ELP4: variants seen among roughly 807,000 people sequenced by gnomAD.
The protein encoded by ELP4 is elongator complex protein 4.
ELP4 carries 51 observed loss-of-function variants against 48.9 expected under a neutral mutation model. The ratio of observed to expected loss-of-function variants is 1.04; its 90% CI spans 0.83 to 1.32. The LOEUF is 1.32. Among genes scored for constraint, ELP4 ranks in the 40% most tolerant of loss-of-function variants. The probability of loss-of-function intolerance (pLI) is 0.00; values close to 1 mark genes in which losing one functional copy is unlikely to be tolerated. For missense variants in ELP4, 519 were observed against 514.6 expected (o/e 1.01, Z -0.08); for synonymous variants, 210 against 189.2 (o/e 1.11, Z -0.90).
intron 9 of ELP4, chr11:31,681,699 A>T (rs1946053894): frequency 6.3e-6 from 1 of 157,534 alleles, no homozygotes; most frequent in African/African-American, 2.4e-5. Flanking sequence ...TGTAAAAGAA[A>T]ACTGATAGGT....
At chr11:31,516,390 A>C (rs1956111692) in intron 1 of ELP4, among the ~76,000 whole-genome samples, 1 of 152,246 alleles carries the variant, frequency 6.6e-6, no homozygotes, top group Non-Finnish European at 1.5e-5. Flanking sequence ...GAAAGTAGGA[A>C]AGTAAGGAAG....
intron 9 of ELP4, among the ~76,000 whole-genome samples, chr11:31,746,970 A>G (rs1361386265): frequency 6.6e-6 from 1 of 152,102 alleles, no homozygotes; most frequent in Non-Finnish European, 1.5e-5. Context: ...GAAGCATATG[A>G]TAGATTTTCT....
intron 5 of ELP4, among the ~76,000 whole-genome samples, chr11:31,611,245 A>T (rs1957972247): frequency 1.3e-5 from 2 of 152,256 alleles, no homozygotes; most frequent in East Asian, 1.9e-4. Context: ...CACTAGCCAC[A>T]TGCAGCGAAT....
At chr11:31,722,056 TTTTGGGTGAAAAA>T (rs1946973529) in intron 9 of ELP4, among the ~76,000 whole-genome samples, 1 of 152,172 alleles carries the variant, frequency 6.6e-6, no homozygotes, top group Non-Finnish European at 1.5e-5. Flanking sequence ...CTGATTGATA[TTTTGGGTGAAAAA>T]TTGTAACTTA....
chr11:31,747,616 CCTT>C (rs1947625945), intron 9 of ELP4, among the ~76,000 whole-genome samples: 2 of 152,178 alleles, frequency 1.3e-5, no homozygotes, highest in Admixed American at 1.3e-4. Flanking sequence ...AGGCAGTCAT[CCTT>C]CAGACAGCCA....
intron 9 of ELP4, among the ~76,000 whole-genome samples, chr11:31,745,056 A>T (rs1458695364): frequency 6.6e-6 from 1 of 152,228 alleles, no homozygotes; most frequent in Non-Finnish European, 1.5e-5. Flanking sequence ...AGGATACAAA[A>T]TCAATGTGCA....
chr11:31,670,610 A>G (rs1945787519), intron 9 of ELP4, among the ~76,000 whole-genome samples: 1 of 152,076 alleles, frequency 6.6e-6, no homozygotes, highest in African/African-American at 2.4e-5. Flanking sequence ...AAAGATGAGG[A>G]CAAAAATGTC....
At chr11:31,780,966 T>A (rs1464040253) in intron 9 of ELP4, among the ~76,000 whole-genome samples, 1 of 152,204 alleles carries the variant, frequency 6.6e-6, no homozygotes, top group Non-Finnish European at 1.5e-5. Context: ...CCCTACCCCA[T>A]AAAGCTTTTT....
chr11:31,763,395 CT>C, intron 9 of ELP4: 2 of 1,576,234 alleles, frequency 1.3e-6, no homozygotes, highest in Non-Finnish European at 1.7e-6. Context: ...AGTTGTGTCT[CT>C]TTTCTCTGAG....
At chr11:31,737,663 T>C (rs1467697183) in intron 9 of ELP4, among the ~76,000 whole-genome samples, 1 of 151,936 alleles carries the variant, frequency 6.6e-6, no homozygotes, top group African/African-American at 2.4e-5. Flanking sequence ...AATTCAAAAA[T>C]GGGCAAAGGA....
chr11:31,751,112 A>T (rs1057485752), intron 9 of ELP4, among the ~76,000 whole-genome samples: 6 of 152,190 alleles, frequency 3.9e-5, no homozygotes, highest in Non-Finnish European at 8.8e-5. Flanking sequence ...AAGTACATAC[A>T]ATACACATTC....
chr11:31,721,033 C>T (rs994528412), intron 9 of ELP4, among the ~76,000 whole-genome samples: 1 of 152,152 alleles, frequency 6.6e-6, no homozygotes, highest in African/African-American at 2.4e-5. Context: ...TATTTAGAGT[C>T]TTGGATTCTT....
chr11:31,610,059 A>G (rs991570913), intron 5 of ELP4, among the ~76,000 whole-genome samples: 5 of 152,126 alleles, frequency 3.3e-5, no homozygotes, highest in African/African-American at 1.2e-4. Context: ...AAAAACAGAA[A>G]ATTTACACTC....
At chr11:31,630,556 T>C (rs1944841432) in intron 6 of ELP4, among the ~76,000 whole-genome samples, 1 of 152,066 alleles carries the variant, frequency 6.6e-6, no homozygotes, top group Non-Finnish European at 1.5e-5. Flanking sequence ...CTCAAACTCT[T>C]GACCTTAGGC....
chr11:31,696,914 TCATCTCACGTGCAGAGACA>T (rs1191856166), intron 9 of ELP4, among the ~76,000 whole-genome samples: 2 of 152,098 alleles, frequency 1.3e-5, no homozygotes, highest in African/African-American at 4.8e-5. Flanking sequence ...TTCAGGAGAC[TCATCTCACGTGCAGAGACA>T]CACATAGGCT....
chr11:31,562,581 T>G (rs1957039398), intron 3 of ELP4, among the ~76,000 whole-genome samples: 1 of 152,190 alleles, frequency 6.6e-6, no homozygotes, highest in Non-Finnish European at 1.5e-5. Context: ...AACTTATAAA[T>G]GTATTAAAAC....
chr11:31,650,335 G>A (rs1945294803), intron 9 of ELP4, 114 bp downstream of exon 9: 1 of 468,678 alleles, frequency 2.1e-6, no homozygotes, highest in Non-Finnish European at 3.9e-6. Flanking sequence ...AAATTCTTAG[G>A]ACATGTTTTA....
chr11:31,750,000 T>C lies in ELP4; in HGVS notation c.1144-33393T>C, dbSNP rs537998906. Among the ~76,000 whole-genome samples, 570 of 151,982 alleles carry C rather than the reference T, an allele frequency of 3.8e-3. 2 individuals are homozygous for C. Among genetic ancestry groups the C allele is most frequent in the African/African-American group, 0.013 (549 of 41,456 alleles). On this transcript the variant is annotated intron_variant, in intron 9 of 9. Transcript: ENST00000640961. ...CCTCCTGAGTAGCTGGGACTACAGG[T>C]GCCCACCACCGTGCCCAGCTAATTT... is the stretch of plus-strand genomic sequence containing the variant.
At chr11:31,512,204 G>A (rs543329389) in intron 1 of ELP4, 4 of 152,194 alleles carry the variant, frequency 2.6e-5, no homozygotes, top group Admixed American at 1.3e-4. Context: ...AGGATGTTAT[G>A]GTGTTAGAAC....
Sources: allele counts gnomAD v4.1 joint callset (sites outside exome capture counted in the v4.1 genomes callset), GRCh38; gene constraint gnomAD v4.1.1; transcripts MANE v1.5; gene names NCBI Gene and HGNC (gene_info 2026-07-23, HGNC 2026-07-21).